Variants in RRM2 observed in about 807,000 individuals in gnomAD.
The protein encoded by RRM2 is ribonucleoside-diphosphate reductase subunit M2.
A neutral mutation model predicts 45.9 loss-of-function variants in RRM2; 6 were observed. The observed-to-expected ratio is 0.13, with a 90% CI of 0.07 to 0.26. RRM2 has a LOEUF of 0.26. RRM2 is among the 10% of genes least tolerant of loss of function. The pLI is 1.00. For synonymous variants in RRM2, 177 were observed against 173.0 expected (o/e 1.02, Z -0.18); for missense variants, 343 against 489.5 (o/e 0.70, Z 2.82).
In RRM2 at chr2:10,127,161, A is replaced by C; in HGVS notation, c.739A>C (p.Lys247Gln). 1 of 1,614,196 alleles carries C rather than the reference A, an allele frequency of 6.2e-7. No homozygotes were observed. Among genetic ancestry groups the C allele is most frequent in the Non-Finnish European group, 8.5e-7 (1 of 1,180,034 alleles). Reference sequence around the variant, plus strand: ...TTCTTTTGCGTCGATATTCTGGCTCAAGAAACGAGGACTGATGCCTGGCCT... The same window carrying C: ...TTCTTTTGCGTCGATATTCTGGCTCCAGAAACGAGGACTGATGCCTGGCCT... ...SGSFASIFWL[K>Q]KRGLMPGLTF... The change falls in exon 7 of 10, where the codon AAG (lysine) becomes CAG (glutamine). Residue 247 changes from lysine (K) to glutamine (Q), a missense_variant. Lys to Gln is a moderately conservative substitution (Grantham distance 53, BLOSUM62 1). This residue lies in a region of RRM2 where 212 missense variants were observed against 368.1 expected (regional missense o/e 0.58). Transcript: ENST00000304567. This position sits in a 1 kb window ranked among gnomAD's most constrained non-coding sequence, Gnocchi z 4.1.
intron 3 of RRM2, among the ~76,000 whole-genome samples, chr2:10,175,536 C>T (rs1039169223): frequency 5.3e-5 from 8 of 152,164 alleles, no homozygotes; most frequent in African/African-American, 7.2e-5. Flanking sequence ...ACTCTGTATT[C>T]CCTCCTCCCC....
intron 3 of RRM2, among the ~76,000 whole-genome samples, chr2:10,188,837 T>C (rs1005629162): frequency 1.3e-5 from 2 of 152,142 alleles, no homozygotes; most frequent in African/African-American, 4.8e-5. Flanking sequence ...GAGTGGTGTG[T>C]GTCTTCCTGT....
At chr2:10,151,924 C>A (rs1224068345) in intron 3 of RRM2, among the ~76,000 whole-genome samples, 1 of 149,756 alleles carries the variant, frequency 6.7e-6, no homozygotes, top group South Asian at 2.1e-4. Context: ...TTGTTCAAAT[C>A]CTTTGCCCAT....
rs925796673 is a variant in RRM2 at position 10,195,646 on chromosome 2, G to A, written n.483-14665G>A. ...AAGAGGTCGCGGTGAGCCTCGGGTG[G>A]ACCCATGTGGCAGACCTGTGAGTTG... is the stretch of plus-strand genomic sequence containing the variant. On this transcript the variant is annotated intron_variant and non_coding_transcript_variant, in intron 3 of 3. Transcript: ENST00000381786. The surrounding 1 kb of genome is among the most constrained non-coding windows in gnomAD (Gnocchi z 4.9). 6.6e-6 allele frequency among the ~76,000 whole-genome samples: 1 copy of A among 152,172 alleles called. No homozygotes were observed. Among genetic ancestry groups the A allele is most frequent in the Admixed American group, 6.5e-5 (1 of 15,270 alleles).
At chr2:10,186,884 G>A (rs543515032) in intron 3 of RRM2, among the ~76,000 whole-genome samples, 1 of 152,328 alleles carries the variant, frequency 6.6e-6, no homozygotes, top group East Asian at 1.9e-4. Context: ...CACGTCTTCT[G>A]TGCTCCATGC....
intron 3 of RRM2, chr2:10,192,681 G>T (rs1010530812): frequency 6.5e-6 from 1 of 154,326 alleles, no homozygotes; most frequent in African/African-American, 2.4e-5. Context: ...CACCCAGCAG[G>T]GGAAGACTGA....
intron 3 of RRM2, among the ~76,000 whole-genome samples, chr2:10,197,731 C>A (rs973072866): frequency 1.3e-5 from 2 of 152,186 alleles, no homozygotes; most frequent in Non-Finnish European, 2.9e-5. Context: ...CCAACAGATT[C>A]TAATATTCAC....
downstream of RRM2, among the ~76,000 whole-genome samples, chr2:10,133,452 G>C (rs1016533831): frequency 1.3e-5 from 2 of 152,204 alleles, no homozygotes; most frequent in African/African-American, 4.8e-5. Context: ...GAGCTAACTG[G>C]CTGTATTTTG....
intron 3 of RRM2, among the ~76,000 whole-genome samples, chr2:10,183,818 G>A (rs893340278): frequency 1.9e-4 from 28 of 149,546 alleles, no homozygotes; most frequent in African/African-American, 5.7e-4. Flanking sequence ...GGCCAGGTGC[G>A]GTGGCTCACG....
chr2:10,190,813 G>A (rs961155509), intron 3 of RRM2, among the ~76,000 whole-genome samples: 28 of 150,766 alleles, frequency 1.9e-4, no homozygotes, highest in African/African-American at 5.9e-4. Context: ...GTGGTGATGA[G>A]TGTGATGATA....
At position 10,188,862 on chromosome 2, in the gene RRM2, TTCTG is replaced by T. The variant is rs1176415937; in HGVS notation, n.483-21444_483-21441del. Among the ~76,000 whole-genome samples the T allele has an allele frequency of 1.5e-4, 23 of 152,232 alleles. No homozygotes were observed. In the East Asian group the frequency reaches 4.3e-3, roughly 28 times the overall value. Reference sequence around the variant, plus strand: ...TGTCTTCCTGTGTCCTCCTAGGAGCTTCTGTCTGAGAAGTCAGAAGTCATGAGTT... The same window carrying T: ...TGTCTTCCTGTGTCCTCCTAGGAGCTTCTGAGAAGTCAGAAGTCATGAGTT... On this transcript the variant is annotated intron_variant and non_coding_transcript_variant, in intron 3 of 3. Transcript: ENST00000381786.
chr2:10,168,259 C>A (rs1171855258), intron 3 of RRM2, among the ~76,000 whole-genome samples: 1 of 152,078 alleles, frequency 6.6e-6, no homozygotes, highest in African/African-American at 2.4e-5. Context: ...GCGATAGTTC[C>A]TTCCCCCCAC....
At chr2:10,166,383 G>C (rs954478041) in intron 3 of RRM2, among the ~76,000 whole-genome samples, 1 of 152,206 alleles carries the variant, frequency 6.6e-6, no homozygotes, top group Non-Finnish European at 1.5e-5. Flanking sequence ...CCTGGTGGCC[G>C]ATGCGCTTAG....
At chr2:10,197,619 G>A (rs72788357) in intron 3 of RRM2, among the ~76,000 whole-genome samples, 4,339 of 152,192 alleles carry the variant, frequency 0.029, 154 homozygotes, top group African/African-American at 0.078. Flanking sequence ...GGGGCTGGGC[G>A]GTGGGCCCAG....
exon 4 of RRM2, chr2:10,210,592 C>G (rs576618113): frequency 9.5e-6 from 13 of 1,364,974 alleles, no homozygotes; most frequent in Non-Finnish European, 1.3e-5. Context: ...CCCCAGGGCC[C>G]CATAGACAGC....
intron 3 of RRM2, among the ~76,000 whole-genome samples, chr2:10,179,707 G>A (rs1224907040): frequency 2.6e-5 from 4 of 152,174 alleles, no homozygotes; most frequent in Non-Finnish European, 5.9e-5. Context: ...CCAGCACTGT[G>A]AGGGAAGTAC....
At chr2:10,193,208 T>C (rs562386567) in intron 3 of RRM2, among the ~76,000 whole-genome samples, 13 of 152,190 alleles carry the variant, frequency 8.5e-5, no homozygotes, top group Non-Finnish European at 1.9e-4. Context: ...ATGGATTTTG[T>C]CAATGACTCA....
rs908731227 is a variant in RRM2 at position 10,169,304 on chromosome 2, A to G, written n.482+26929A>G. Among the ~76,000 whole-genome samples the G allele has an allele frequency of 6.6e-6, 1 of 152,016 alleles. No individual in the cohort carries two copies. The highest frequency in any genetic ancestry group is 1.5e-5 in the Non-Finnish European group (1 of 68,010). ...CTTCTCTTTGTAAGTTCCCAAGTTG[A>G]AGCACCCCCTTCAGGTGTAGTTTTA... On this transcript the variant is annotated intron_variant and non_coding_transcript_variant, in intron 3 of 3. Transcript: ENST00000381786. The surrounding 1 kb of genome is among the most constrained non-coding windows in gnomAD (Gnocchi z 5.1).
intron 3 of RRM2, among the ~76,000 whole-genome samples, chr2:10,173,667 C>T (rs569736157): frequency 3.9e-5 from 6 of 152,364 alleles, no homozygotes; most frequent in East Asian, 3.9e-4. Context: ...TGGGGCTCCG[C>T]GGGCACCCCC....
Sources: allele counts gnomAD v4.1 joint callset (sites outside exome capture counted in the v4.1 genomes callset), GRCh38; gene constraint gnomAD v4.1.1; regional missense constraint gnomAD v4.1.1; non-coding constraint Gnocchi (gnomAD v3.1); transcripts MANE v1.5; gene names NCBI Gene and HGNC (gene_info 2026-07-23, HGNC 2026-07-21).